The following THSD7B variants were observed in gnomAD, a reference collection of about 807,000 sequenced individuals.
The protein encoded by THSD7B is thrombospondin type 1 domain containing 7B, also known as thrombospondin type-1 domain-containing protein 7B.
THSD7B carries 138 observed loss-of-function variants against 213.6 expected under a neutral mutation model. The ratio of observed to expected loss-of-function variants is 0.65; its 90% confidence interval spans 0.56 to 0.74. The LOEUF is 0.74. Among genes scored for constraint, THSD7B ranks in the 30% least tolerant of loss-of-function variants. The probability of loss-of-function intolerance (pLI) is 0.00; values close to 1 mark genes in which losing one functional copy is unlikely to be tolerated. For missense variants in THSD7B, 1,931 were observed against 1,991.5 expected, an observed-to-expected ratio of 0.97 and a Z score of 0.58; for synonymous variants, 742 against 687.0, an observed-to-expected ratio of 1.08 and a Z score of -1.25.
intron 15 of THSD7B, among the ~76,000 whole-genome samples, chr2:137,552,288 T>G (rs1680865079): frequency 6.6e-6 from 1 of 152,120 alleles, no homozygotes; most frequent in Non-Finnish European, 1.5e-5. Context: ...TTGCAGGAAT[T>G]TAGAACTATT....
chr2:137,095,643 C>T (rs961784043), intron 4 of THSD7B, among the ~76,000 whole-genome samples: 1 of 152,124 alleles, frequency 6.6e-6, no homozygotes, highest in African/African-American at 2.4e-5. Flanking sequence ...ATTCCAGAGT[C>T]CCTAGGGAGC....
chr2:137,078,785 TTA>T (rs1189119892), intron 3 of THSD7B, among the ~76,000 whole-genome samples: 1 of 152,192 alleles, frequency 6.6e-6, no homozygotes, highest in Non-Finnish European at 1.5e-5. Context: ...CCGTAGATTC[TTA>T]TAGTGTTTTA....
intron 6 of THSD7B, among the ~76,000 whole-genome samples, chr2:137,168,453 G>A (rs1573864569): frequency 1.3e-5 from 2 of 152,246 alleles, no homozygotes; most frequent in East Asian, 1.9e-4. Flanking sequence ...GAGAATCCAG[G>A]GTTTTTGTTT....
intron 15 of THSD7B, among the ~76,000 whole-genome samples, chr2:137,480,994 G>T (rs1688294062): frequency 6.6e-6 from 1 of 152,128 alleles, no homozygotes; most frequent in Admixed American, 6.5e-5. Flanking sequence ...TTGGGGTGGG[G>T]GTGAGTTCAC....
chr2:136,897,666 CCCTGGCTATGT>C (rs1683984932), intron 2 of THSD7B, among the ~76,000 whole-genome samples: 4 of 152,230 alleles, frequency 2.6e-5, no homozygotes, highest in African/African-American at 9.6e-5. Context: ...CCTTATTTGA[CCCTGGCTATGT>C]CCTGCTGATT....
intron 17 of THSD7B, among the ~76,000 whole-genome samples, chr2:137,612,132 A>G (rs967464485): frequency 1.3e-5 from 2 of 152,228 alleles, no homozygotes; most frequent in Admixed American, 6.5e-5. Flanking sequence ...AAATTGAAAC[A>G]TAAAAATTTG....
intron 1 of THSD7B, among the ~76,000 whole-genome samples, chr2:136,785,810 G>A (rs189960090): frequency 6.6e-6 from 1 of 152,300 alleles, no homozygotes; most frequent in East Asian, 1.9e-4. Flanking sequence ...ACCACGTTGT[G>A]TAACTCCTGG....
At chr2:137,299,851 T>A (rs915322821) in intron 12 of THSD7B, among the ~76,000 whole-genome samples, 1 of 152,190 alleles carries the variant, frequency 6.6e-6, no homozygotes, top group African/African-American at 2.4e-5. Context: ...ATATGATTTT[T>A]AAATTTTCTC....
At chr2:137,497,662 G>A (rs1206948902) in intron 15 of THSD7B, among the ~76,000 whole-genome samples, 1 of 151,706 alleles carries the variant, frequency 6.6e-6, no homozygotes, top group African/African-American at 2.4e-5. Flanking sequence ...ATTTCCTCTC[G>A]CATATGGATA....
chr2:136,850,404 A>C (rs778211), intron 1 of THSD7B, among the ~76,000 whole-genome samples: 84,526 of 151,796 alleles, frequency 0.56, 23,816 homozygotes, highest in Middle Eastern at 0.76. Context: ...CTAAAAGAAA[A>C]GTAAAGCAAA....
intron 2 of THSD7B, among the ~76,000 whole-genome samples, chr2:137,023,415 ACC>A (rs1441900268): frequency 6.6e-6 from 1 of 152,044 alleles, no homozygotes; most frequent in African/African-American, 2.4e-5. Flanking sequence ...GTAGCGGATA[ACC>A]TGTATTAGGA....
chr2:137,522,401 CAG>C (rs1274557598), intron 15 of THSD7B, among the ~76,000 whole-genome samples: 1 of 152,166 alleles, frequency 6.6e-6, no homozygotes, highest in Non-Finnish European at 1.5e-5. Flanking sequence ...AGAAATTCCA[CAG>C]AGTTGTGACT....
chr2:137,480,257 A>C (rs913997433), intron 15 of THSD7B, among the ~76,000 whole-genome samples: 2 of 151,954 alleles, frequency 1.3e-5, no homozygotes, highest in African/African-American at 4.8e-5. Context: ...CTTATAGAAA[A>C]TCTCCTTTAT....
At chr2:137,278,126 G>A (rs1682913562) in intron 12 of THSD7B, among the ~76,000 whole-genome samples, 1 of 152,060 alleles carries the variant, frequency 6.6e-6, no homozygotes, top group Non-Finnish European at 1.5e-5. Context: ...AAACTGCTAA[G>A]AGTTGAAGGA....
In THSD7B at chr2:137,342,729, TTTTG is replaced by T. The variant is rs1301687101; in HGVS notation, c.2501-62880_2501-62877del. 1.2e-4 allele frequency among the ~76,000 whole-genome samples: 18 copies of T among 151,674 alleles called. 2 individuals are homozygous for T. The highest frequency in any genetic ancestry group is 7.2e-4 in the Admixed American group (11 of 15,196). ...GAAGATTTTGTTTTGTTTTGTTTTG[TTTTG>T]TTTTATCGTGAAACTATGCTGAATT... On this transcript the variant is annotated intron_variant, in intron 12 of 27. Coordinates refer to ENST00000409968, the MANE Select transcript of THSD7B (RefSeq NM_001316349.2).
chr2:137,093,877 C>T (rs1340629461), intron 3 of THSD7B, among the ~76,000 whole-genome samples: 1 of 152,124 alleles, frequency 6.6e-6, no homozygotes, highest in Non-Finnish European at 1.5e-5. Context: ...CGTCATTTAG[C>T]ATTAGGTATA....
intron 10 of THSD7B, among the ~76,000 whole-genome samples, chr2:137,252,100 T>C (rs1295803812): frequency 1.3e-5 from 2 of 151,822 alleles, no homozygotes; most frequent in Non-Finnish European, 2.9e-5. Flanking sequence ...ACCCTGTCTC[T>C]ACTGAAAATA....
chr2:137,028,793 A>G (rs1189026174), intron 2 of THSD7B, among the ~76,000 whole-genome samples: 2 of 152,164 alleles, frequency 1.3e-5, no homozygotes, highest in African/African-American at 4.8e-5. Context: ...TCAACCTAAA[A>G]AATAGGTAGG....
chr2:136,955,080 G>C (rs574771907), intron 2 of THSD7B, among the ~76,000 whole-genome samples: 64 of 152,278 alleles, frequency 4.2e-4, no homozygotes, highest in Middle Eastern at 6.8e-3. Context: ...CTAGATTGGA[G>C]GGTTAGGAAA....
Sources: gnomAD v4.1 joint callset for allele counts (sites outside exome capture counted in the v4.1 genomes callset) on GRCh38, gnomAD v4.1.1 for gene constraint, MANE v1.5 for transcripts, NCBI Gene and HGNC (gene_info 2026-07-23, HGNC 2026-07-21) for gene names.